The following ADAM28 variants were observed in gnomAD, a reference collection of about 807,000 sequenced individuals.
The protein encoded by ADAM28 is disintegrin and metalloproteinase domain-containing protein 28.
In ADAM28, 105 loss-of-function variants were observed where a neutral mutation model predicts 101.2. The ratio of observed to expected loss-of-function variants is 1.04; its 90% confidence interval spans 0.89 to 1.22. The LOEUF (loss-of-function observed/expected upper bound fraction) is 1.22, where lower values mean the gene tolerates loss of function less well. Among genes scored for constraint, ADAM28 ranks in the 50% most tolerant of loss-of-function variants. The pLI is 0.00. For missense variants in ADAM28, 1,028 were observed against 945.4 expected (o/e 1.09, Z -1.15); for synonymous variants, 322 against 310.6 (o/e 1.04, Z -0.39).
chr8:24,321,432 C>G, intron 8 of ADAM28, 143 bp downstream of exon 8: 4 of 729,914 alleles, frequency 5.5e-6, no homozygotes, highest in Non-Finnish European at 1.0e-5. Context: ...AGGATGACCA[C>G]AACTTTTGCT....
chr8:24,351,292 G>A lies in ADAM28; in HGVS notation c.2160G>A (p.Lys720=), dbSNP rs766981119. 2 of 1,613,378 alleles carry A rather than the reference G, an allele frequency of 1.2e-6. No individual in the cohort carries two copies. The highest frequency in any genetic ancestry group is 1.7e-5 in the Admixed American group (1 of 59,928). ...HKQKRKPQMV[K]AVQPQEMSQM... is the part of the protein sequence containing the mutation. ...AGAAGAGGAAACCCCAGATGGTAAA[G>A]GCTGTTCAACCCCAAGAGGTGAACT... Residue 720 remains lysine, a synonymous_variant, in exon 20 of 23, where the codon AAG becomes AAA. Coordinates refer to ENST00000265769, the MANE Select transcript of ADAM28 (RefSeq NM_014265.6).
At chr8:24,348,085 T>C (rs1364150973) in intron 18 of ADAM28, among the ~76,000 whole-genome samples, 1 of 152,162 alleles carries the variant, frequency 6.6e-6, no homozygotes, top group East Asian at 1.9e-4. Flanking sequence ...GTCTTTCCTG[T>C]TTATGTTCCC....
chr8:24,336,600 GAA>G (rs1257292791), intron 14 of ADAM28, among the ~76,000 whole-genome samples: 1 of 116,750 alleles, frequency 8.6e-6, no homozygotes, highest in African/African-American at 3.3e-5. Context: ...AAAAAAAAAA[GAA>G]AAAAAAAGAA....
chr8:24,349,983 A>G lies in ADAM28; in HGVS notation c.2099+11A>G. 2.5e-6 allele frequency: 4 copies of G among 1,611,464 alleles called. No individual in the cohort carries two copies. The highest frequency in any genetic ancestry group is 3.4e-6 in the Non-Finnish European group (4 of 1,178,056). ...GAAGAAAGATCAGAGGTGATCCTTT[A>G]TCTTATCTTGCTGTAGGGACTCTTT... On this transcript the variant is annotated intron_variant, in intron 19 of 22. Coordinates refer to ENST00000265769, the MANE Select transcript of ADAM28 (RefSeq NM_014265.6).
In ADAM28 at chr8:24,353,763, A is replaced by T; in HGVS notation, c.2245-7A>T. ...ATGCCATACCATTGTTTTTATAATT[A>T]ACGTAGCATAAAGACACAAACGCAC... On this transcript the variant is annotated splice_polypyrimidine_tract_variant and splice_region_variant and intron_variant, in intron 21 of 22. Coordinates refer to ENST00000265769, the MANE Select transcript of ADAM28 (RefSeq NM_014265.6). The T allele has an allele frequency of 6.9e-7, 1 of 1,455,542 alleles. No individual in the cohort carries two copies. The highest frequency in any genetic ancestry group is 1.1e-5 in the South Asian group (1 of 87,568). The allele number at this position is 1,455,542 out of a possible 1,614,324, so 90.2% of individuals were successfully genotyped here. A position where few individuals can be genotyped will look rare whatever the true frequency, so the allele number is the denominator to read the frequency against.
At chr8:24,337,259 CA>C (rs564639845) in intron 14 of ADAM28, among the ~76,000 whole-genome samples, 1 of 152,322 alleles carries the variant, frequency 6.6e-6, no homozygotes, top group African/African-American at 2.4e-5. Context: ...AAGGTGGAAA[CA>C]AAATTGATTG....
Position 24,351,170 on chromosome 8 carries a change from G to A in ADAM28, c.2100-62G>A, listed in dbSNP as rs577632047. ...AAAGAAGTTGGGAATCTTCTACGGA[G>A]TTTCCCTGTCATGCTGAAGGAGCTG... is the stretch of plus-strand genomic sequence containing the variant. On this transcript the variant is annotated intron_variant, in intron 19 of 22. Coordinates refer to ENST00000265769, the MANE Select transcript of ADAM28 (RefSeq NM_014265.6). The A allele has an allele frequency of 1.7e-3, 2,321 of 1,344,222 alleles. 6 individuals carry two copies. The highest frequency in any genetic ancestry group is 2.0e-3 in the Non-Finnish European group (1,957 of 991,338). 83.3% of individuals were successfully genotyped at this position (1,344,222 alleles called of 1,614,324 possible).
At chr8:24,294,738 TAAC>T (rs1807737939) in intron 1 of ADAM28, among the ~76,000 whole-genome samples, 1 of 152,206 alleles carries the variant, frequency 6.6e-6, no homozygotes. Flanking sequence ...TGATATTACT[TAAC>T]AAAATATCTC....
chr8:24,295,030 T>C (rs1221881885), intron 1 of ADAM28, among the ~76,000 whole-genome samples: 1 of 152,170 alleles, frequency 6.6e-6, no homozygotes, highest in Non-Finnish European at 1.5e-5. Context: ...TGCTGGGACC[T>C]GGGGATGGGA....
rs11996594 is a variant in ADAM28 at position 24,341,578 on chromosome 8, C to A, written c.1671-20C>A. ...AAACTGCAATTTGAATCCTGCAATA[C>A]ATTTTGGCTTTTTCCTCAGTGATAC... On this transcript the variant is annotated intron_variant, in intron 15 of 22. Coordinates refer to ENST00000265769, the MANE Select transcript of ADAM28 (RefSeq NM_014265.6). 67,931 of 1,606,394 alleles carry A rather than the reference C, an allele frequency of 0.042. 2,694 individuals are homozygous for A. Among genetic ancestry groups the A allele is most frequent in the African/African-American group, 0.18 (13,665 of 74,538 alleles).
intron 1 of ADAM28, 122 bp from the exon 2 acceptor site, chr8:24,299,852 C>T: frequency 1.5e-6 from 1 of 671,194 alleles, no homozygotes; most frequent in Non-Finnish European, 2.5e-6. Context: ...ATCACTCTGA[C>T]ATTCATCACT....
chr8:24,309,097 C>G (rs986058023), intron 2 of ADAM28, among the ~76,000 whole-genome samples: 14 of 152,304 alleles, frequency 9.2e-5, no homozygotes, highest in African/African-American at 3.4e-4. Context: ...CTTAGTACCC[C>G]AAAACATCTT....
At chr8:24,338,375 G>T (rs375376795) in intron 14 of ADAM28, among the ~76,000 whole-genome samples, 32 of 152,248 alleles carry the variant, frequency 2.1e-4, no homozygotes, top group African/African-American at 7.5e-4. Context: ...GATACCTTCT[G>T]CAATATCAGC....
intron 12 of ADAM28, 81 bp downstream of exon 12, chr8:24,331,408 G>A (rs560370986): frequency 1.6e-5 from 22 of 1,360,704 alleles, no homozygotes; most frequent in East Asian, 2.5e-5. Context: ...TGTGTGGCCC[G>A]CTATAACATT....
At chr8:24,335,045 G>A (rs1466135908) in intron 13 of ADAM28, among the ~76,000 whole-genome samples, 1 of 152,104 alleles carries the variant, frequency 6.6e-6, no homozygotes, top group Non-Finnish European at 1.5e-5. Context: ...CTTGAATACC[G>A]AAGATCCAAT....
chr8:24,345,443 T>C (rs1162903667), intron 18 of ADAM28, among the ~76,000 whole-genome samples: 1 of 152,086 alleles, frequency 6.6e-6, no homozygotes, highest in African/African-American at 2.4e-5. Flanking sequence ...ATAATATACA[T>C]TTTTTAGCAA....
At chr8:24,352,671 T>A (rs1466262220) in intron 21 of ADAM28, among the ~76,000 whole-genome samples, 1 of 152,168 alleles carries the variant, frequency 6.6e-6, no homozygotes, top group African/African-American at 2.4e-5. Flanking sequence ...ATCAGATACC[T>A]ATTGACATTG....
chr8:24,345,129 ATTAC>A (rs1405911986), intron 18 of ADAM28, among the ~76,000 whole-genome samples: 4 of 151,622 alleles, frequency 2.6e-5, no homozygotes, highest in East Asian at 1.9e-4. Context: ...TTTAGAATTA[ATTAC>A]TTAATTACTA....
intron 1 of ADAM28, chr8:24,296,010 C>A (rs370714526): frequency 1.2e-4 from 19 of 152,254 alleles, no homozygotes; most frequent in African/African-American, 4.3e-4. Context: ...TGGTTGTGTG[C>A]AGTGAACTTC....
Sources: gnomAD v4.1 joint callset for allele counts (sites outside exome capture counted in the v4.1 genomes callset) on GRCh38, gnomAD v4.1.1 for gene constraint, MANE v1.5 for transcripts, NCBI Gene and HGNC (gene_info 2026-07-23, HGNC 2026-07-21) for gene names.